The following AKAP13 variants were observed in gnomAD, a reference collection of about 807,000 sequenced individuals.
The protein encoded by AKAP13 is A-kinase anchor protein 13.
A neutral mutation model predicts 264.5 loss-of-function variants in AKAP13; 80 were observed. That is an observed-to-expected ratio of 0.30 (90% CI 0.25 to 0.36). The LOEUF is 0.36. AKAP13 is among the 10% of genes least tolerant of loss of function. The pLI is 1.00. For synonymous variants in AKAP13, 1,380 were observed against 1,250.2 expected (o/e 1.10, Z -2.19); for missense variants, 3,712 against 3,435.2 (o/e 1.08, Z -2.01).
chr15:85,457,589 C>T (rs1416239792), intron 1 of AKAP13, among the ~76,000 whole-genome samples: 2 of 152,142 alleles, frequency 1.3e-5, no homozygotes, highest in South Asian at 2.1e-4. Context: ...CTGTATGTCA[C>T]TCTGTATTTG....
intron 11 of AKAP13, 37 bp downstream of exon 11, chr15:85,655,824 C>T (rs1188068190): frequency 1.3e-6 from 2 of 1,561,080 alleles, no homozygotes; most frequent in Non-Finnish European, 1.7e-6. Flanking sequence ...GTCTCAGTGT[C>T]TGCTTGCTTT....
chr15:85,538,971 C>T (rs977304740), intron 4 of AKAP13, among the ~76,000 whole-genome samples: 2 of 150,760 alleles, frequency 1.3e-5, no homozygotes, highest in Admixed American at 6.6e-5. Flanking sequence ...GCTGGGACTA[C>T]AGGTGCCCGC....
At chr15:85,504,665 C>G (rs539867443) in intron 2 of AKAP13, among the ~76,000 whole-genome samples, 3 of 144,438 alleles carry the variant, frequency 2.1e-5, no homozygotes, top group Non-Finnish European at 1.5e-5. Context: ...GTACTCCAGC[C>G]TGGGTGACAG....
Position 85,575,314 on chromosome 15 carries a change from CCAACAG to C in AKAP13, c.851_856del (p.Gln284_Gln285del). ...GACCAATTTTTAAACTTATGAACAT[CCAACAG>C]CAACTAATGGTAAGTCAGAAAGCTT... is the stretch of plus-strand genomic sequence containing the variant. On this transcript the variant is annotated inframe_deletion, in exon 6 of 37. Transcript: ENST00000394518. 2 of 1,614,118 alleles carry C rather than the reference CCAACAG, an allele frequency of 1.2e-6. No individual in the cohort carries two copies. The highest frequency in any genetic ancestry group is 3.3e-5 in the Admixed American group (2 of 60,026).
chr15:85,509,869 AG>A (rs1386734174), intron 2 of AKAP13, among the ~76,000 whole-genome samples: 3 of 152,160 alleles, frequency 2.0e-5, no homozygotes, highest in African/African-American at 2.4e-5. Flanking sequence ...TTTTGGATTT[AG>A]TTTGTAGCCT....
chr15:85,507,571 A>G (rs1345248461), intron 2 of AKAP13, among the ~76,000 whole-genome samples: 1 of 152,212 alleles, frequency 6.6e-6, no homozygotes, highest in Non-Finnish European at 1.5e-5. Flanking sequence ...CCTTGTGTCT[A>G]GAAACCACAG....
chr15:85,717,896 C>T (rs1161326504), intron 21 of AKAP13, 111 bp from the exon 22 acceptor site: 4 of 1,020,320 alleles, frequency 3.9e-6, no homozygotes, highest in Non-Finnish European at 5.8e-6. Flanking sequence ...GTGAATATCC[C>T]CTGTATTCAT....
chr15:85,501,443 GT>G (rs2076035329), intron 2 of AKAP13, among the ~76,000 whole-genome samples: 1 of 152,180 alleles, frequency 6.6e-6, no homozygotes, highest in African/African-American at 2.4e-5. Flanking sequence ...CGATATTTCA[GT>G]TTTTCTGGTG....
chr15:85,678,304 C>G (rs541624762), intron 14 of AKAP13, among the ~76,000 whole-genome samples: 1 of 152,186 alleles, frequency 6.6e-6, no homozygotes, highest in Non-Finnish European at 1.5e-5. Context: ...CTTGCTGATT[C>G]TAAGTTTCAG....
At position 85,665,337 on chromosome 15, in the gene AKAP13, T is replaced by C. The variant is rs542580278; in HGVS notation, c.4992+582T>C. On this transcript the variant is annotated intron_variant, in intron 13 of 36. Coordinates refer to ENST00000394518, the MANE Select transcript of AKAP13 (RefSeq NM_007200.5). The stretch of plus-strand genomic sequence containing the variant: ...TTTTCCTTCTTATCTGAGACCATCT[T>C]TTACCCTCTCAATAGTAAACTGAAT... Among the ~76,000 whole-genome samples the C allele has an allele frequency of 2.0e-5, 3 of 152,360 alleles. No homozygotes were observed. The South Asian group carries it at 6.2e-4, about 32-fold the overall frequency.
chr15:85,615,170 T>C (rs1367689805), intron 8 of AKAP13, among the ~76,000 whole-genome samples: 1 of 152,258 alleles, frequency 6.6e-6, no homozygotes, highest in Non-Finnish European at 1.5e-5. Context: ...ATTGTTGCTA[T>C]TATTGTCAGT....
intron 1 of AKAP13, among the ~76,000 whole-genome samples, chr15:85,442,483 T>TATATATAATATATATTATATA (rs1375036524): frequency 4.7e-5 from 5 of 106,832 alleles, no homozygotes; most frequent in South Asian, 5.3e-4. Context: ...TATTATATAA[T>TATATATAATATATATTATATA]ATATATAATA....
chr15:85,593,068 G>A (rs1310644565), intron 8 of AKAP13, among the ~76,000 whole-genome samples: 3 of 152,108 alleles, frequency 2.0e-5, no homozygotes, highest in African/African-American at 4.8e-5. Context: ...CCAGCACTTC[G>A]GGAGGCTGAG....
At chr15:85,643,230 T>C (rs1408123440) in intron 9 of AKAP13, among the ~76,000 whole-genome samples, 1 of 150,010 alleles carries the variant, frequency 6.7e-6, no homozygotes, top group African/African-American at 2.4e-5. Context: ...TTGTTGAAAT[T>C]GTCTTCTAAT....
At chr15:85,647,033 G>A (rs7178477) in intron 10 of AKAP13, among the ~76,000 whole-genome samples, 1 of 152,152 alleles carries the variant, frequency 6.6e-6, no homozygotes, top group East Asian at 1.9e-4. Flanking sequence ...TAATGAGCTC[G>A]GAGAAGTGGT....
At chr15:85,714,959 T>C (rs191343305) in intron 19 of AKAP13, among the ~76,000 whole-genome samples, 1 of 151,244 alleles carries the variant, frequency 6.6e-6, no homozygotes, top group Non-Finnish European at 1.5e-5. Context: ...AGAACAAGAC[T>C]GCATTTCAAA....
Position 85,693,444 on chromosome 15 carries a change from T to C in AKAP13, c.5457T>C (p.Thr1819=), listed in dbSNP as rs761195593. The part of the protein sequence containing the change: ...MKPFTNKDAY[T]CANCSAFVHK... ...CCTTCACCAACAAAGATGCCTATAC[T>C]TGTGCAAGTAAGAGACATGCTTCTT... The change falls in exon 17 of 37, where the codon ACT becomes ACC. Residue 1819 remains threonine, a synonymous_variant. Coordinates refer to ENST00000394518, the MANE Select transcript of AKAP13 (RefSeq NM_007200.5). The C allele has an allele frequency of 6.2e-7, 1 of 1,612,380 alleles. No individual in the cohort carries two copies. The highest frequency in any genetic ancestry group is 8.5e-7 in the Non-Finnish European group (1 of 1,179,590).
chr15:85,741,223 G>A lies in AKAP13; in HGVS notation c.7786G>A (p.Glu2596Lys), dbSNP rs778924793. The A allele has an allele frequency of 2.0e-5, 32 of 1,609,302 alleles. No homozygotes were observed. The highest frequency in any genetic ancestry group is 8.8e-5 in the South Asian group (8 of 90,486). The change falls in exon 35 of 37, where the codon GAG (glutamate) becomes AAG (lysine). Residue 2596 changes from glutamate (E) to lysine (K), a missense_variant. Transcript: ENST00000394518. ...GCAGAAGCAGCAGGCCCAGTACCTCGAGGAGAAGCGCAGGCGCGAGCGTGA... is the reference window on the plus strand; with the variant it reads ...GCAGAAGCAGCAGGCCCAGTACCTCAAGGAGAAGCGCAGGCGCGAGCGTGA... The part of the protein sequence containing the change: ...NLQKQQAQYL[E>K]EKRRREREWE...
intron 26 of AKAP13, 92 bp from the exon 27 acceptor site, chr15:85,726,318 C>T (rs2087613931): frequency 3.9e-6 from 4 of 1,021,462 alleles, no homozygotes; most frequent in Non-Finnish European, 6.0e-6. Context: ...GTATGTGTTG[C>T]TGAAACACCC....
Sources: allele counts gnomAD v4.1 joint callset (sites outside exome capture counted in the v4.1 genomes callset), GRCh38; gene constraint gnomAD v4.1.1; transcripts MANE v1.5; gene names NCBI Gene and HGNC (gene_info 2026-07-23, HGNC 2026-07-21).